The following PHACTR2 variants were observed in gnomAD, a reference collection of about 807,000 sequenced individuals.
The protein encoded by PHACTR2 is chromosome 6 open reading frame 56.
Under a neutral mutation model 76.0 loss-of-function variants are expected in PHACTR2, and 30 were observed. The ratio of observed to expected loss-of-function variants is 0.39; its 90% CI spans 0.30 to 0.54. The LOEUF is 0.54. PHACTR2 is among the 20% of genes least tolerant of loss of function. The probability of loss-of-function intolerance (pLI) is 0.61; values close to 1 mark genes in which losing one functional copy is unlikely to be tolerated. For synonymous variants in PHACTR2, 292 were observed against 292.5 expected (o/e 1.00, Z 0.02); for missense variants, 696 against 781.1 (o/e 0.89, Z 1.30).
chr6:143,547,671 C>T lies in PHACTR2; in HGVS notation c.217+10464C>T, dbSNP rs1440691833. Among the ~76,000 whole-genome samples the T allele has an allele frequency of 1.3e-5, 2 of 152,190 alleles. No homozygotes were observed. On this transcript the variant is annotated intron_variant, in intron 1 of 11. Transcript: ENST00000367584. This position sits in a 1 kb window ranked among gnomAD's most constrained non-coding sequence, Gnocchi z 4.2. ...ATTTCTATAGTTAGCAATAGAGACT[C>T]CCTTCTTCGAATGAAGGAAAAGGGG...
Position 143,709,555 on chromosome 6 carries a change from G to A in PHACTR2, c.47-2461G>A, listed in dbSNP as rs1778124171. Among the ~76,000 whole-genome samples the A allele has an allele frequency of 6.6e-6, 1 of 152,198 alleles. No homozygotes were observed. The highest frequency in any genetic ancestry group is 2.4e-5 in the African/African-American group (1 of 41,438). ...TTGTTTGAAACCTTTGGTTTTAACT[G>A]GCTTTGTCTGACACCTCTATAGCAG... On this transcript the variant is annotated intron_variant, in intron 1 of 12. Coordinates refer to ENST00000440869, the MANE Select transcript of PHACTR2 (RefSeq NM_001100164.2). The surrounding 1 kb of genome is among the most constrained non-coding windows in gnomAD (Gnocchi z 4.4).
rs534950283 is a variant in PHACTR2 at position 143,791,734 on chromosome 6, T to G, written c.1845+2824T>G. Among the ~76,000 whole-genome samples, 18 of 152,276 alleles carry G rather than the reference T, an allele frequency of 1.2e-4. No homozygotes were observed. The South Asian group carries it at 2.9e-3, about 25-fold the overall frequency. On this transcript the variant is annotated intron_variant, in intron 11 of 12. Coordinates refer to ENST00000440869, the MANE Select transcript of PHACTR2 (RefSeq NM_001100164.2). The surrounding 1 kb of genome is among the most constrained non-coding windows in gnomAD (Gnocchi z 4.7). ...TCCTTATAATTCTGTTAATTTTGCT[T>G]CATTTATTGTGAGGTGTATCATTAG... is the stretch of plus-strand genomic sequence containing the variant.
chr6:143,594,089 T>C (rs1480019205), intron 1 of PHACTR2, among the ~76,000 whole-genome samples: 1 of 152,240 alleles, frequency 6.6e-6, no homozygotes, highest in Non-Finnish European at 1.5e-5. Context: ...TATGAAATAG[T>C]GATACCATTG....
In PHACTR2 at chr6:143,760,457, C is replaced by G; in HGVS notation, c.511C>G (p.Pro171Ala). 1 of 1,613,652 alleles carries G rather than the reference C, an allele frequency of 6.2e-7. No individual in the cohort carries two copies. The highest frequency in any genetic ancestry group is 8.5e-7 in the Non-Finnish European group (1 of 1,179,600). The change falls in exon 5 of 13, where the codon CCT becomes GCT. Residue 171 changes from proline (P) to alanine (A), a missense_variant. By Grantham distance (27) the Pro-to-Ala change is conservative. Transcript: ENST00000440869. The surrounding 1 kb of genome is among the most constrained non-coding windows in gnomAD (Gnocchi z 6.4). ...PAAPALPPSA[P>A]PKPRPKPKPK... ...AGCTCCTGCTCTACCTCCTTCTGCTCCTCCTAAGCCTAGACCCAAACCTAA... is the reference window on the plus strand; with the variant it reads ...AGCTCCTGCTCTACCTCCTTCTGCTGCTCCTAAGCCTAGACCCAAACCTAA...
chr6:143,565,741 G>A (rs9376758), intron 1 of PHACTR2, among the ~76,000 whole-genome samples: 87,408 of 151,666 alleles, frequency 0.58, 25,862 homozygotes, highest in Middle Eastern at 0.69. Flanking sequence ...GATGGGGGAA[G>A]AGCATTCCGG....
intron 6 of PHACTR2, among the ~76,000 whole-genome samples, chr6:143,771,891 G>A (rs1290997180): frequency 1.3e-5 from 2 of 152,200 alleles, no homozygotes; most frequent in African/African-American, 2.4e-5. Context: ...ACTCTAGCGG[G>A]ATCGTCTTCA....
chr6:143,796,807 T>A (rs994096127), intron 11 of PHACTR2, among the ~76,000 whole-genome samples: 6 of 152,218 alleles, frequency 3.9e-5, no homozygotes, highest in Non-Finnish European at 1.5e-5. Flanking sequence ...ATCCAGTCTA[T>A]CACTGATGGA....
rs780470354 is a variant in PHACTR2, at chr6:143,774,301, A to G, written c.1589+86A>G. 1.0e-5 allele frequency: 11 copies of G among 1,072,908 alleles called. No individual in the cohort carries two copies. The highest frequency in any genetic ancestry group is 5.8e-5 in the South Asian group (4 of 69,062). The allele number at this position is 1,072,908 out of a possible 1,614,324, so 66.5% of individuals were successfully genotyped here. ...TCCTACCTAACTGGGGTCATTGTGA[A>G]TTCCTTATGTACAGATACATCTGGC... On this transcript the variant is annotated intron_variant, in intron 8 of 12. Transcript: ENST00000440869. This position sits in a 1 kb window ranked among gnomAD's most constrained non-coding sequence, Gnocchi z 5.4.
chr6:143,750,685 G>A lies in PHACTR2; in HGVS notation c.295+1620G>A, dbSNP rs983070665. Among the ~76,000 whole-genome samples, 2 of 152,090 alleles carry A rather than the reference G, an allele frequency of 1.3e-5. No individual in the cohort carries two copies. The highest frequency in any genetic ancestry group is 1.9e-4 in the East Asian group (1 of 5,202). On this transcript the variant is annotated intron_variant, in intron 3 of 12. Transcript: ENST00000440869. The surrounding 1 kb of genome is among the most constrained non-coding windows in gnomAD (Gnocchi z 4.6). ...TTAAAGAAATGATTTTTATTCTGCC[G>A]AATCTGTGAAACTATTTGCCTCATA...
In PHACTR2 at chr6:143,684,678, C is replaced by G. The variant is rs2128454187; in HGVS notation, c.46+6469C>G. On this transcript the variant is annotated intron_variant, in intron 1 of 12. Coordinates refer to ENST00000440869, the MANE Select transcript of PHACTR2 (RefSeq NM_001100164.2). This position sits in a 1 kb window ranked among gnomAD's most constrained non-coding sequence, Gnocchi z 4.3. Reference sequence around the variant, plus strand: ...CACTGAATATCAGGGTCACTCTTAGCCCATAGCCTCGTGAGAATTAGAAGT... The same window carrying G: ...CACTGAATATCAGGGTCACTCTTAGGCCATAGCCTCGTGAGAATTAGAAGT... Among the ~76,000 whole-genome samples, 1 of 152,344 alleles carries G rather than the reference C, an allele frequency of 6.6e-6. No individual in the cohort carries two copies. Among genetic ancestry groups the G allele is most frequent in the East Asian group, 1.9e-4 (1 of 5,190 alleles).
intron 1 of PHACTR2, among the ~76,000 whole-genome samples, chr6:143,692,197 G>A (rs1009010820): frequency 1.3e-5 from 2 of 152,166 alleles, no homozygotes; most frequent in African/African-American, 4.8e-5. Flanking sequence ...GTGGCTCACA[G>A]GACTGGGGAG....
At position 143,560,330 on chromosome 6, in the gene PHACTR2, T is replaced by C. The variant is rs118099085; in HGVS notation, c.217+23123T>C. Among the ~76,000 whole-genome samples the C allele has an allele frequency of 9.5e-3, 1,442 of 152,344 alleles. 11 individuals carry two copies. The highest frequency in any genetic ancestry group is 0.013 in the Non-Finnish European group (870 of 68,036). The stretch of plus-strand genomic sequence containing the variant: ...TGGATTGATCTAATCAGTCAATTCA[T>C]TGATTAGAAACTGAACCAAGTATTT... On this transcript the variant is annotated intron_variant, in intron 1 of 11. Transcript: ENST00000367584.
At chr6:143,682,777 T>G (rs1226890477) in intron 1 of PHACTR2, among the ~76,000 whole-genome samples, 13 of 130,324 alleles carry the variant, frequency 1.0e-4, no homozygotes. Flanking sequence ...TGTTTTTTTG[T>G]TTTTTGTTTT....
chr6:143,593,952 A>G (rs1775721345), intron 1 of PHACTR2, among the ~76,000 whole-genome samples: 1 of 152,192 alleles, frequency 6.6e-6, no homozygotes, highest in Non-Finnish European at 1.5e-5. Context: ...TAAGGCTGTA[A>G]ACTAGCCCTA....
At position 143,822,856 on chromosome 6, in the gene PHACTR2, G is replaced by A. The variant is rs1024653623; in HGVS notation, c.1923-818G>A. On this transcript the variant is annotated intron_variant, in intron 12 of 12. Coordinates refer to ENST00000440869, the MANE Select transcript of PHACTR2 (RefSeq NM_001100164.2). This position sits in a 1 kb window ranked among gnomAD's most constrained non-coding sequence, Gnocchi z 5.5. The stretch of plus-strand genomic sequence containing the variant: ...AGTGAACAGCATGTTCAAAAGCACC[G>A]GGCTACAAAAATGCAAGGAATGTTC... 3.3e-5 allele frequency among the ~76,000 whole-genome samples: 5 copies of A among 152,170 alleles called. No homozygotes were observed. The highest frequency in any genetic ancestry group is 5.9e-5 in the Non-Finnish European group (4 of 68,046).
chr6:143,735,959 A>T (rs1031877778), intron 2 of PHACTR2, among the ~76,000 whole-genome samples: 4 of 152,200 alleles, frequency 2.6e-5, no homozygotes, highest in Non-Finnish European at 5.9e-5. Flanking sequence ...GGAAAAAGAT[A>T]TGTGGGTATT....
intron 9 of PHACTR2, among the ~76,000 whole-genome samples, chr6:143,778,619 G>C: frequency 6.6e-6 from 1 of 152,162 alleles, no homozygotes; most frequent in East Asian, 1.9e-4. Context: ...AGGAAGAGTA[G>C]AAGCAGCATC....
At chr6:143,781,540 C>T (rs80103121) in intron 9 of PHACTR2, among the ~76,000 whole-genome samples, 2,598 of 152,232 alleles carry the variant, frequency 0.017, 55 homozygotes, top group African/African-American at 0.045. Context: ...ATAATGTCAT[C>T]AATATCACTA....
rs150590576 is a variant in PHACTR2 at position 143,690,530 on chromosome 6, A to G, written c.46+12321A>G. ...TAGAACGTGGCTTTATTCTGGCTTC[A>G]TGCTTGGTCGAGAGCTTGGCTGGGA... On this transcript the variant is annotated intron_variant, in intron 1 of 12. Coordinates refer to ENST00000440869, the MANE Select transcript of PHACTR2 (RefSeq NM_001100164.2). Among the ~76,000 whole-genome samples the G allele has an allele frequency of 3.0e-3, 455 of 152,258 alleles. 3 individuals are homozygous for G. Among genetic ancestry groups the G allele is most frequent in the African/African-American group, 0.01 (422 of 41,542 alleles).
Sources: allele counts gnomAD v4.1 joint callset (sites outside exome capture counted in the v4.1 genomes callset), GRCh38; gene constraint gnomAD v4.1.1; non-coding constraint Gnocchi (gnomAD v3.1); transcripts MANE v1.5; gene names NCBI Gene and HGNC (gene_info 2026-07-23, HGNC 2026-07-21).